Variants in ROBO1 observed in about 807,000 individuals in gnomAD.
ROBO1 encodes the protein roundabout guidance receptor 1.
In ROBO1, 149 loss-of-function variants were observed where a neutral mutation model predicts 195.9. That is an observed-to-expected ratio of 0.76 (90% confidence interval 0.67 to 0.87). The LOEUF (loss-of-function observed/expected upper bound fraction) is 0.87, where lower values mean the gene tolerates loss of function less well. ROBO1 is among the 40% of genes least tolerant of loss of function. ROBO1 has a pLI of 0.00. For missense variants in ROBO1, 1,933 were observed against 2,068.3 expected (o/e 0.93, Z 1.27); for synonymous variants, 816 against 733.2 (o/e 1.11, Z -1.82).
At chr3:79,728,298 GA>G (rs896413336) in intron 1 of ROBO1, among the ~76,000 whole-genome samples, 7 of 152,002 alleles carry the variant, frequency 4.6e-5, no homozygotes, top group Non-Finnish European at 1.0e-4. Context: ...ATGGAGAGCT[GA>G]AAAAATCTCA....
chr3:79,199,074 G>C (rs1048992335), intron 2 of ROBO1, among the ~76,000 whole-genome samples: 1 of 151,902 alleles, frequency 6.6e-6, no homozygotes, highest in Non-Finnish European at 1.5e-5. Context: ...TGTTGAACAG[G>C]AGTGGTGAGA....
At chr3:79,483,727 C>G (rs1298060947) in intron 2 of ROBO1, among the ~76,000 whole-genome samples, 1 of 152,106 alleles carries the variant, frequency 6.6e-6, no homozygotes, top group Non-Finnish European at 1.5e-5. Flanking sequence ...TCTTATGGGA[C>G]CACTGTCATG....
At chr3:79,750,998 C>T (rs1704107386) in intron 1 of ROBO1, among the ~76,000 whole-genome samples, 1 of 152,112 alleles carries the variant, frequency 6.6e-6, no homozygotes, top group Non-Finnish European at 1.5e-5. Flanking sequence ...GAAATAATTA[C>T]TTTAAAATAA....
At chr3:79,006,322 A>G (rs1009382989) in intron 3 of ROBO1, among the ~76,000 whole-genome samples, 11 of 152,210 alleles carry the variant, frequency 7.2e-5, no homozygotes, top group African/African-American at 2.7e-4. Context: ...ACTAGTAACC[A>G]TACAAAGAAG....
intron 2 of ROBO1, among the ~76,000 whole-genome samples, chr3:79,242,271 GAA>G (rs200561846): frequency 1.4e-5 from 2 of 141,912 alleles, no homozygotes; most frequent in African/African-American, 5.1e-5. Context: ...ATTGTGATAT[GAA>G]AAAAAAAAAA....
chr3:78,732,062 A>C (rs2082298174), intron 5 of ROBO1, among the ~76,000 whole-genome samples: 1 of 152,126 alleles, frequency 6.6e-6, no homozygotes, highest in Non-Finnish European at 1.5e-5. Flanking sequence ...TTTGGATTAG[A>C]AAATTAAGGC....
intron 2 of ROBO1, among the ~76,000 whole-genome samples, chr3:79,499,759 C>T (rs1409256112): frequency 6.6e-6 from 1 of 152,096 alleles, no homozygotes; most frequent in Non-Finnish European, 1.5e-5. Context: ...CAGTATCTCC[C>T]GAGATTGGGA....
intron 2 of ROBO1, among the ~76,000 whole-genome samples, chr3:79,320,134 G>C (rs2033914040): frequency 1.3e-5 from 2 of 152,144 alleles, no homozygotes; most frequent in South Asian, 4.1e-4. Flanking sequence ...TAGATAGTGG[G>C]AAATCCAAGG....
At chr3:78,676,224 GA>G (rs1459846743) in intron 10 of ROBO1, among the ~76,000 whole-genome samples, 1 of 152,090 alleles carries the variant, frequency 6.6e-6, no homozygotes, top group African/African-American at 2.4e-5. Context: ...GAAAGATGGG[GA>G]AAAAACAGAG....
At chr3:78,859,384 C>T (rs2034647907) in intron 4 of ROBO1, among the ~76,000 whole-genome samples, 14 of 152,150 alleles carry the variant, frequency 9.2e-5, no homozygotes, top group Admixed American at 9.2e-4. Flanking sequence ...CATCCCAAAT[C>T]TGAAAATCCC....
intron 7 of ROBO1, chr3:78,714,731 A>G: frequency 2.4e-6 from 1 of 423,394 alleles, no homozygotes; most frequent in Non-Finnish European, 4.1e-6. Flanking sequence ...CTACTTTCTA[A>G]AAGAACATTT....
intron 21 of ROBO1, among the ~76,000 whole-genome samples, chr3:78,641,293 C>A (rs1240133391): frequency 6.6e-6 from 1 of 152,000 alleles, no homozygotes; most frequent in Non-Finnish European, 1.5e-5. Flanking sequence ...AAATTCATAC[C>A]CTAGCAGGCT....
intron 2 of ROBO1, among the ~76,000 whole-genome samples, chr3:79,172,222 ACTTAG>A (rs2081180448): frequency 1.3e-5 from 2 of 152,204 alleles, no homozygotes; most frequent in African/African-American, 4.8e-5. Context: ...CATTTCAGTT[ACTTAG>A]GAGAAACTAT....
At chr3:78,869,487 T>G (rs2035410348) in intron 4 of ROBO1, among the ~76,000 whole-genome samples, 1 of 152,168 alleles carries the variant, frequency 6.6e-6, no homozygotes, top group South Asian at 2.1e-4. Flanking sequence ...TATGGCTTAT[T>G]TTACCCTGTT....
At chr3:78,896,092 A>G (rs2037210420) in intron 4 of ROBO1, among the ~76,000 whole-genome samples, 1 of 152,188 alleles carries the variant, frequency 6.6e-6, no homozygotes, top group Non-Finnish European at 1.5e-5. Context: ...TATGTTCTGG[A>G]CTGTCAAGAT....
At chr3:79,532,469 A>G (rs1265342833) in intron 2 of ROBO1, among the ~76,000 whole-genome samples, 1 of 152,206 alleles carries the variant, frequency 6.6e-6, no homozygotes, top group Admixed American at 6.5e-5. Flanking sequence ...TGCCATCACT[A>G]GAAAAATAAG....
intron 3 of ROBO1, among the ~76,000 whole-genome samples, chr3:79,105,522 GA>G (rs932017822): frequency 5.4e-4 from 82 of 151,228 alleles, no homozygotes; most frequent in African/African-American, 1.9e-3. Context: ...ACCTATAGGT[GA>G]AAAAAAAGTA....
intron 1 of ROBO1, among the ~76,000 whole-genome samples, chr3:79,686,942 G>A (rs996499554): frequency 2.6e-5 from 4 of 152,060 alleles, no homozygotes; most frequent in Non-Finnish European, 5.9e-5. Flanking sequence ...AAAGCTGGAG[G>A]CATCATGCAA....
intron 8 of ROBO1, among the ~76,000 whole-genome samples, chr3:78,697,213 A>G (rs775933319): frequency 6.6e-6 from 1 of 151,866 alleles, no homozygotes; most frequent in Non-Finnish European, 1.5e-5. Context: ...TATAAATAAG[A>G]TAAGAAGAGA....
Sources: gnomAD v4.1 joint callset for allele counts (sites outside exome capture counted in the v4.1 genomes callset) on GRCh38, gnomAD v4.1.1 for gene constraint, MANE v1.5 for transcripts, NCBI Gene and HGNC (gene_info 2026-07-23, HGNC 2026-07-21) for gene names.